Variants in CPE observed in about 807,000 individuals in gnomAD.
CPE encodes the protein carbocypeptidase E.
A neutral mutation model predicts 53.5 loss-of-function variants in CPE; 17 were observed. That is an observed-to-expected ratio of 0.32 (90% CI 0.22 to 0.48). CPE has a LOEUF of 0.48. Among genes scored for constraint, CPE ranks in the 20% least tolerant of loss-of-function variants. The pLI is 0.99. For missense variants in CPE, 524 were observed against 614.7 expected, an observed-to-expected ratio of 0.85 and a Z score of 1.56; for synonymous variants, 226 against 228.8, an observed-to-expected ratio of 0.99 and a Z score of 0.11.
chr4:165,480,995 G>GAGATATATATATATATATAT (rs1422332791), intron 3 of CPE, among the ~76,000 whole-genome samples: 1 of 132,176 alleles, frequency 7.6e-6, no homozygotes, highest in Admixed American at 7.8e-5. Context: ...TTCTACAATG[G>GAGATATATATATATATATAT]ATATATATAT....
intron 1 of CPE, among the ~76,000 whole-genome samples, chr4:165,419,624 C>T (rs901990532): frequency 6.6e-6 from 1 of 152,168 alleles, no homozygotes; most frequent in African/African-American, 2.4e-5. Flanking sequence ...ATAGCAGAGT[C>T]AGGATTTGAA....
Position 165,379,495 on chromosome 4 carries a change from G to T in CPE, c.274G>T (p.Glu92Ter). 2 of 1,600,698 alleles carry T rather than the reference G, an allele frequency of 1.2e-6. No individual in the cohort carries two copies. Among genetic ancestry groups the T allele is most frequent in the Non-Finnish European group, 1.7e-6 (2 of 1,171,732 alleles). Residue 92 changes from glutamate (E) to a stop codon, truncating the protein, a stop_gained, in exon 1 of 9, where the codon GAG becomes TAG. Transcript: ENST00000402744. LOFTEE classifies it high-confidence loss of function. The surrounding 1 kb of genome is among the most constrained non-coding windows in gnomAD (Gnocchi z 6.0). Reference protein sequence around the residue: ...SFEGRELLVIELSDNPGVHEP... With the variant: ...SFEGRELLVI ...CGAGGGCCGGGAGCTCCTGGTCATC[G>T]AGCTGTCCGACAACCCTGGCGTCCA...
chr4:165,442,900 A>G (rs1291028460), intron 1 of CPE, among the ~76,000 whole-genome samples: 1 of 152,236 alleles, frequency 6.6e-6, no homozygotes, highest in African/African-American at 2.4e-5. Context: ...GTGAAAATTT[A>G]CAGTGCTGCA....
At chr4:165,394,030 G>T (rs1220889011) in intron 1 of CPE, among the ~76,000 whole-genome samples, 2 of 152,178 alleles carry the variant, frequency 1.3e-5, no homozygotes, top group African/African-American at 4.8e-5. Flanking sequence ...TGGATAAAAA[G>T]GAGAGGGTAT....
chr4:165,465,262 TG>T (rs1732076860), intron 2 of CPE, among the ~76,000 whole-genome samples: 1 of 152,100 alleles, frequency 6.6e-6, no homozygotes, highest in South Asian at 2.1e-4. Flanking sequence ...TATGGGAACA[TG>T]GGAACACATT....
intron 7 of CPE, among the ~76,000 whole-genome samples, chr4:165,493,984 A>AT: frequency 1.3e-5 from 2 of 152,064 alleles, no homozygotes; most frequent in Non-Finnish European, 2.9e-5. Flanking sequence ...ACTCTTTACA[A>AT]TTTTTTTTAG....
chr4:165,469,744 C>T (rs768064089), intron 3 of CPE, among the ~76,000 whole-genome samples: 27 of 152,084 alleles, frequency 1.8e-4, no homozygotes, highest in African/African-American at 6.0e-4. Flanking sequence ...GTAAGAATTA[C>T]GATTAATATT....
chr4:165,404,221 A>G, intron 1 of CPE: 1 of 761,408 alleles, frequency 1.3e-6, no homozygotes, highest in Admixed American at 1.7e-5. Context: ...CTCCAAGACA[A>G]GGTGGGAAGC....
rs374658945 is a variant in CPE at position 165,403,351 on chromosome 4, T to C, written c.307+23823T>C. Among the ~76,000 whole-genome samples, 13 of 152,222 alleles carry C rather than the reference T, an allele frequency of 8.5e-5. 1 individual carries two copies. Among genetic ancestry groups the C allele is most frequent in the Admixed American group, 3.3e-4 (5 of 15,296 alleles). On this transcript the variant is annotated intron_variant, in intron 1 of 8. Coordinates refer to ENST00000402744, the MANE Select transcript of CPE (RefSeq NM_001873.4). ...AAAAAAAATCATATTCTTGAGGCCA[T>C]GAAACACATGTTCCAGAAAACAGTT...
chr4:165,398,162 A>G (rs1310612258), intron 1 of CPE, among the ~76,000 whole-genome samples: 2 of 151,826 alleles, frequency 1.3e-5, no homozygotes, highest in African/African-American at 2.4e-5. Flanking sequence ...TCTGGTCTCA[A>G]TTAATTAATT....
chr4:165,420,279 T>G (rs1273770058), intron 1 of CPE, among the ~76,000 whole-genome samples: 2 of 152,184 alleles, frequency 1.3e-5, no homozygotes, highest in Non-Finnish European at 2.9e-5. Context: ...GTGAATGTTT[T>G]ATAACTTTTG....
intron 1 of CPE, among the ~76,000 whole-genome samples, chr4:165,389,145 T>C (rs1730641729): frequency 6.6e-6 from 1 of 152,200 alleles, no homozygotes; most frequent in South Asian, 2.1e-4. Flanking sequence ...GTGAATACTA[T>C]TACATAGATA....
chr4:165,482,485 C>A, intron 4 of CPE, 126 bp downstream of exon 4: 2 of 659,686 alleles, frequency 3.0e-6, no homozygotes, highest in Non-Finnish European at 5.3e-6. Flanking sequence ...GAAGAAAGAA[C>A]TATGTTTAAC....
chr4:165,398,866 A>G (rs1730819017), intron 1 of CPE, among the ~76,000 whole-genome samples: 1 of 152,210 alleles, frequency 6.6e-6, no homozygotes, highest in South Asian at 2.1e-4. Flanking sequence ...GTTCTGTTAA[A>G]CAAAGAATAC....
At chr4:165,418,658 A>G (rs1731162152) in intron 1 of CPE, among the ~76,000 whole-genome samples, 1 of 152,208 alleles carries the variant, frequency 6.6e-6, no homozygotes, top group Admixed American at 6.5e-5. Flanking sequence ...TTGAACTTGT[A>G]TTAAATCTGT....
At chr4:165,489,124 G>A (rs1328945879) in intron 6 of CPE, among the ~76,000 whole-genome samples, 5 of 152,160 alleles carry the variant, frequency 3.3e-5, no homozygotes, top group African/African-American at 1.2e-4. Context: ...CCTACAGAAT[G>A]TCTCCTTTGA....
intron 1 of CPE, among the ~76,000 whole-genome samples, chr4:165,452,782 T>G (rs1731834217): frequency 6.6e-6 from 1 of 152,158 alleles, no homozygotes; most frequent in African/African-American, 2.4e-5. Context: ...TCCCAGTGCC[T>G]TCTTCCCAGA....
intron 3 of CPE, among the ~76,000 whole-genome samples, chr4:165,481,016 A>ATATATATATATATATATATAT (rs1491161430): frequency 9.0e-5 from 10 of 111,036 alleles, no homozygotes; most frequent in African/African-American, 3.4e-4. Flanking sequence ...ATATATATAT[A>ATATATATATATATATATATAT]TTTTTTTTTT....
At chr4:165,405,422 T>A in intron 1 of CPE, 1 of 904,340 alleles carries the variant, frequency 1.1e-6, no homozygotes, top group Non-Finnish European at 1.9e-6. Flanking sequence ...ATCGCTCCCT[T>A]GCTCAATTCC....
Sources: gnomAD v4.1 joint callset for allele counts (sites outside exome capture counted in the v4.1 genomes callset) on GRCh38, gnomAD v4.1.1 for gene constraint, Gnocchi (gnomAD v3.1) non-coding constraint, MANE v1.5 for transcripts, NCBI Gene and HGNC (gene_info 2026-07-23, HGNC 2026-07-21) for gene names.